Variants in ELAC1 observed in about 807,000 individuals in gnomAD.
ELAC1 encodes zinc phosphodiesterase ELAC protein 1.
ELAC1 carries 19 observed loss-of-function variants against 25.8 expected under a neutral mutation model. The observed-to-expected ratio is 0.74, with a 90% confidence interval of 0.51 to 1.08. The LOEUF is 1.08. Ranked by LOEUF, ELAC1 falls within the 50% of genes least tolerant of loss-of-function variation. The pLI, the probability that ELAC1 is intolerant of heterozygous loss-of-function variation, is 0.00. For missense variants in ELAC1, 403 were observed against 434.6 expected (o/e 0.93, Z 0.65); for synonymous variants, 148 against 160.9 (o/e 0.92, Z 0.61).
At position 50,984,464 on chromosome 18, in the gene ELAC1, A is replaced by G. The variant is rs750402123; in HGVS notation, c.526A>G (p.Lys176Glu). The part of the protein sequence containing the change: ...LLFDDEQFVV[K>E]AFRLFHRIPS... ...GTTTGATGATGAACAATTTGTTGTA[A>G]AAGCATTTCGCCTCTTTCACAGAAT... is the stretch of plus-strand genomic sequence containing the variant. The change falls in exon 3 of 4, where the codon AAA (lysine) becomes GAA (glutamate). Residue 176 changes from lysine (K) to glutamate (E), a missense_variant. Transcript: ENST00000269466. The G allele has an allele frequency of 6.2e-7, 1 of 1,614,238 alleles. No homozygotes were observed. The highest frequency in any genetic ancestry group is 2.2e-5 in the East Asian group (1 of 44,892).
At position 50,984,341 on chromosome 18, in the gene ELAC1, C is replaced by A; in HGVS notation, c.403C>A (p.Leu135Ile). Residue 135 changes from leucine to isoleucine, a missense_variant, in exon 3 of 4, where the codon CTA becomes ATA. Transcript: ENST00000269466. The part of the protein sequence containing the change: ...PTADQCPAEE[L>I]KEFAHVNRAD... ...AGCAGATCAATGTCCTGCAGAAGAA[C>A]TAAAAGAATTTGCGCATGTGAATAG... 1.9e-6 allele frequency: 3 copies of A among 1,614,164 alleles called. No homozygotes were observed. Among genetic ancestry groups the A allele is most frequent in the Non-Finnish European group, 2.5e-6 (3 of 1,180,010 alleles).
At chr18:50,971,910 G>GTATATATA (rs1423715307) in intron 1 of ELAC1, among the ~76,000 whole-genome samples, 52 of 64,160 alleles carry the variant, frequency 8.1e-4, no homozygotes, top group East Asian at 4.7e-3. Context: ...GTGTGTGTGT[G>GTATATATA]TGTATATATA....
chr18:50,968,848 C>T (rs978267302), intron 1 of ELAC1: 1 of 152,148 alleles, frequency 6.6e-6, no homozygotes, highest in Non-Finnish European at 1.5e-5. Flanking sequence ...TACTTCCCGA[C>T]CTATTTGGAG....
In ELAC1 at chr18:50,972,971, C is replaced by A. The variant is rs139010721; in HGVS notation, c.-8-1426C>A. Among the ~76,000 whole-genome samples, 1,279 of 152,342 alleles carry A rather than the reference C, an allele frequency of 8.4e-3. 10 individuals are homozygous for A. Among genetic ancestry groups the A allele is most frequent in the Middle Eastern group, 0.024 (7 of 294 alleles). ...AGTCTGATAGAATTTCCACCAAATACATCTACATTAGCTTAGGAAGGATGA... is the reference window on the plus strand; with the variant it reads ...AGTCTGATAGAATTTCCACCAAATAAATCTACATTAGCTTAGGAAGGATGA... On this transcript the variant is annotated intron_variant, in intron 1 of 3. Transcript: ENST00000269466.
At position 50,987,208 on chromosome 18, in the gene ELAC1, G is replaced by T; in HGVS notation, c.*123G>T. 1 of 659,558 alleles carries T rather than the reference G, an allele frequency of 1.5e-6. No homozygotes were observed. Among genetic ancestry groups the T allele is most frequent in the Non-Finnish European group, 2.3e-6 (1 of 434,808 alleles). 40.9% of individuals were successfully genotyped at this position (659,558 alleles called of 1,614,324 possible). On this transcript the variant is annotated 3_prime_UTR_variant, in exon 4 of 4. Coordinates refer to ENST00000269466, the MANE Select transcript of ELAC1 (RefSeq NM_018696.3). The stretch of plus-strand genomic sequence containing the variant: ...GGCCCTAATAATCCTAAAAAGAATG[G>T]AGCTGCATTGATGAATTGGCTCAGT...
chr18:50,984,659 T>C, intron 3 of ELAC1, 96 bp downstream of exon 3: 1 of 946,662 alleles, frequency 1.1e-6, no homozygotes, highest in Middle Eastern at 2.2e-4. Flanking sequence ...AGGCCAGGAG[T>C]TGTGGCTCAC....
At chr18:50,976,860 C>T (rs896225047) in intron 2 of ELAC1, among the ~76,000 whole-genome samples, 6 of 152,216 alleles carry the variant, frequency 3.9e-5, no homozygotes, top group African/African-American at 1.4e-4. Flanking sequence ...AATGGGGGTA[C>T]AGGCATTGGG....
At chr18:50,970,067 A>G (rs182540650) in intron 1 of ELAC1, among the ~76,000 whole-genome samples, 2 of 152,242 alleles carry the variant, frequency 1.3e-5, no homozygotes, top group East Asian at 3.9e-4. Context: ...ATGGAGCCCA[A>G]TTATTGATAG....
rs781333943 is a variant in ELAC1 at position 50,984,343 on chromosome 18, A to C, written c.405A>C (p.Leu135=). The C allele has an allele frequency of 1.2e-6, 2 of 1,614,226 alleles. No homozygotes were observed. Among genetic ancestry groups the C allele is most frequent in the Non-Finnish European group, 1.7e-6 (2 of 1,180,030 alleles). Residue 135 remains leucine (L), a synonymous_variant, in exon 3 of 4, where the codon CTA becomes CTC. Transcript: ENST00000269466. ...CAGATCAATGTCCTGCAGAAGAACTAAAAGAATTTGCGCATGTGAATAGAG... is the reference window on the plus strand; with the variant it reads ...CAGATCAATGTCCTGCAGAAGAACTCAAAGAATTTGCGCATGTGAATAGAG... ...PTADQCPAEE[L]KEFAHVNRAD... is the part of the protein sequence containing the mutation.
rs1412130889 is a variant in ELAC1 at position 50,987,793 on chromosome 18, C to G, written c.*708C>G. 1 of 152,152 alleles carries G rather than the reference C, an allele frequency of 6.6e-6. No homozygotes were observed. Among genetic ancestry groups the G allele is most frequent in the African/African-American group, 2.4e-5 (1 of 41,430 alleles). The allele number at this position is 152,152 out of a possible 1,614,324, so 9.4% of individuals were successfully genotyped here. On this transcript the variant is annotated 3_prime_UTR_variant, in exon 4 of 4. Coordinates refer to ENST00000269466, the MANE Select transcript of ELAC1 (RefSeq NM_018696.3). ...AGTCAGCAGGGATAAGGGATGTTAG[C>G]TGTCCTGCAAAGTTTTGGTCAGTCA...
At chr18:50,979,311 CA>C (rs1313480337) in intron 2 of ELAC1, among the ~76,000 whole-genome samples, 2 of 152,142 alleles carry the variant, frequency 1.3e-5, no homozygotes, top group Admixed American at 1.3e-4. Context: ...CACTAGGCTG[CA>C]ATCTAGGTGT....
chr18:50,984,913 C>T (rs1287741193), intron 3 of ELAC1: 4 of 305,936 alleles, frequency 1.3e-5, no homozygotes, highest in Non-Finnish European at 2.4e-5. Context: ...GCTTGGGTGA[C>T]AAAGCGAAAC....
At chr18:50,970,833 C>T (rs1907631864) in intron 1 of ELAC1, among the ~76,000 whole-genome samples, 1 of 151,924 alleles carries the variant, frequency 6.6e-6, no homozygotes, top group Non-Finnish European at 1.5e-5. Context: ...TTTAATTACC[C>T]CTGAGATAAC....
At chr18:50,981,681 T>C (rs1198625099) in intron 2 of ELAC1, among the ~76,000 whole-genome samples, 1 of 152,162 alleles carries the variant, frequency 6.6e-6, no homozygotes, top group Non-Finnish European at 1.5e-5. Context: ...GTGATAACTG[T>C]AGGAAGCAGT....
chr18:50,976,371 G>A (rs187488628), intron 2 of ELAC1, among the ~76,000 whole-genome samples: 3 of 152,236 alleles, frequency 2.0e-5, no homozygotes, highest in East Asian at 1.9e-4. Context: ...TAATGGACTC[G>A]CAGTTCACAT....
At chr18:50,969,346 A>G (rs1278289645) in intron 1 of ELAC1, 1 of 152,194 alleles carries the variant, frequency 6.6e-6, no homozygotes, top group Non-Finnish European at 1.5e-5. Flanking sequence ...GTATCCTTTA[A>G]TAAGCAGGTA....
intron 1 of ELAC1, among the ~76,000 whole-genome samples, chr18:50,972,049 CT>C (rs547639489): frequency 4.9e-5 from 6 of 122,798 alleles, no homozygotes; most frequent in African/African-American, 1.2e-4. Context: ...GGGGTCCAAA[CT>C]TTTTTTTTTC....
chr18:50,970,563 A>T (rs1907623774), intron 1 of ELAC1, among the ~76,000 whole-genome samples: 1 of 152,076 alleles, frequency 6.6e-6, no homozygotes, highest in Non-Finnish European at 1.5e-5. Flanking sequence ...GCTATGCTTA[A>T]GGTAGAGATG....
chr18:50,981,541 A>G (rs890969229), intron 2 of ELAC1, among the ~76,000 whole-genome samples: 7 of 152,172 alleles, frequency 4.6e-5, no homozygotes, highest in African/African-American at 1.7e-4. Context: ...GTTCCCAAGG[A>G]AAAGGGAACT....
Sources: gnomAD v4.1 joint callset for allele counts (sites outside exome capture counted in the v4.1 genomes callset) on GRCh38, gnomAD v4.1.1 for gene constraint, MANE v1.5 for transcripts, NCBI Gene and HGNC (gene_info 2026-07-23, HGNC 2026-07-21) for gene names.